Variants in EXD2 observed in about 807,000 individuals in gnomAD.
EXD2 encodes the protein exonuclease 3'-5' domain containing 2.
EXD2 carries 40 observed loss-of-function variants against 62.5 expected under a neutral mutation model. The observed-to-expected ratio is 0.64, with a 90% confidence interval of 0.50 to 0.83. EXD2 has a LOEUF of 0.83. Ranked by LOEUF, EXD2 falls within the 40% of genes least tolerant of loss-of-function variation. The probability of loss-of-function intolerance (pLI) is 0.00; values close to 1 mark genes in which losing one functional copy is unlikely to be tolerated. For missense variants in EXD2, 671 were observed against 761.8 expected (o/e 0.88, Z 1.40); for synonymous variants, 239 against 291.9 (o/e 0.82, Z 1.85).
At position 69,228,966 on chromosome 14, in the gene EXD2, T is replaced by C. The variant is rs941767423; in HGVS notation, c.484T>C (p.Leu162=). The C allele has an allele frequency of 6.2e-7, 1 of 1,614,056 alleles. No individual in the cohort carries two copies. ...GGATATTTTGGCAGATGGCACCATT[T>C]TGAAAGTTGGAGTGGGATGCTCAGA... is the stretch of plus-strand genomic sequence containing the variant. The part of the protein sequence containing the change: ...LLDILADGTI[L]KVGVGCSEDA... The change falls in exon 4 of 10, where the codon TTG becomes CTG. Residue 162 remains leucine (L), a synonymous_variant. Transcript: ENST00000685843.
At chr14:69,211,279 C>A (rs1291092645) in intron 3 of EXD2, among the ~76,000 whole-genome samples, 1 of 151,956 alleles carries the variant, frequency 6.6e-6, no homozygotes, top group Non-Finnish European at 1.5e-5. Context: ...TAGATTCCAT[C>A]TCAAGAAACC....
intron 5 of EXD2, among the ~76,000 whole-genome samples, chr14:69,231,393 T>C (rs1359531019): frequency 6.6e-6 from 1 of 152,184 alleles, no homozygotes; most frequent in Non-Finnish European, 1.5e-5. Flanking sequence ...GGTTTAGTAC[T>C]CTTGCAGCTC....
chr14:69,236,025 TTC>T lies in EXD2; in HGVS notation c.1050-17_1050-16del. 3 of 1,593,608 alleles carry T rather than the reference TTC, an allele frequency of 1.9e-6. No homozygotes were observed. Among genetic ancestry groups the T allele is most frequent in the South Asian group, 2.2e-5 (2 of 90,664 alleles). On this transcript the variant is annotated intron_variant, in intron 6 of 9. Coordinates refer to ENST00000685843, the MANE Select transcript of EXD2 (RefSeq NM_001193360.2). ...CCACAGTTAGCTTCCGGTTTGAGAT[TTC>T]TCTTTCCTTTCCCTGCAGAAAATCA...
Position 69,199,075 on chromosome 14 carries a change from C to T in EXD2, c.-131-4842C>T, listed in dbSNP as rs559498586. ...CCTGGCCAACATGGTGAAACCCCGT[C>T]TCTACTAAAAATTTAAAAAATAGTC... On this transcript the variant is annotated intron_variant, in intron 1 of 9. Coordinates refer to ENST00000685843, the MANE Select transcript of EXD2 (RefSeq NM_001193360.2). 5.3e-5 allele frequency among the ~76,000 whole-genome samples: 8 copies of T among 152,330 alleles called. No individual in the cohort carries two copies. The East Asian group carries it at 1.3e-3, about 26-fold the overall frequency.
At chr14:69,203,282 C>T (rs1383815370) in intron 1 of EXD2, among the ~76,000 whole-genome samples, 1 of 151,402 alleles carries the variant, frequency 6.6e-6, no homozygotes, top group Admixed American at 6.6e-5. Flanking sequence ...CACCATGTTG[C>T]CCTAGGTAGT....
In EXD2 at chr14:69,234,962, C is replaced by T; in HGVS notation, c.980C>T (p.Pro327Leu). 6.2e-7 allele frequency: 1 copy of T among 1,613,466 alleles called. No homozygotes were observed. Among genetic ancestry groups the T allele is most frequent in the Non-Finnish European group, 8.5e-7 (1 of 1,179,754 alleles). ...AAGTCTAAGATGGATGGGATGGTGC[C>T]AGGCAACCACCAAGGGAGAGACCCC... is the stretch of plus-strand genomic sequence containing the variant. ...NKKSKMDGMV[P>L]GNHQGRDPRK... is the part of the protein sequence containing the mutation. Residue 327 changes from proline (P) to leucine (L), a missense_variant, in exon 6 of 10, where the codon CCA becomes CTA. By Grantham distance (98) the Pro-to-Leu change is moderately conservative. Transcript: ENST00000685843.
At chr14:69,202,062 G>A (rs899053610) in intron 1 of EXD2, among the ~76,000 whole-genome samples, 4 of 152,084 alleles carry the variant, frequency 2.6e-5, no homozygotes, top group African/African-American at 9.7e-5. Context: ...AGGTTGATGT[G>A]GGCAGATCGC....
chr14:69,236,894 T>C (rs2043813942), intron 8 of EXD2, among the ~76,000 whole-genome samples: 2 of 152,218 alleles, frequency 1.3e-5, no homozygotes, highest in South Asian at 4.1e-4. Context: ...AGCCATGGTT[T>C]TATTCATGGA....
At chr14:69,230,845 C>T (rs543288200) in intron 5 of EXD2, among the ~76,000 whole-genome samples, 3 of 152,258 alleles carry the variant, frequency 2.0e-5, no homozygotes, top group East Asian at 1.9e-4. Flanking sequence ...TGCAGTGGTA[C>T]GGTCTTGGCT....
At chr14:69,225,069 T>G (rs1223857409) in intron 3 of EXD2, among the ~76,000 whole-genome samples, 1 of 152,250 alleles carries the variant, frequency 6.6e-6, no homozygotes, top group African/African-American at 2.4e-5. Context: ...TTTTGTCTCC[T>G]CCTACTCTCT....
chr14:69,192,067 T>C (rs1462417756), intron 1 of EXD2: 45 of 152,332 alleles, frequency 3.0e-4, no homozygotes, highest in Non-Finnish European at 1.5e-5. Context: ...CTACCATCCC[T>C]GTCCTCCCAG....
Position 69,209,415 on chromosome 14 carries a change from GT to G in EXD2, c.-47-5del. 1 of 1,385,932 alleles carries G rather than the reference GT, an allele frequency of 7.2e-7. No homozygotes were observed. The highest frequency in any genetic ancestry group is 2.5e-5 in the East Asian group (1 of 39,398). The allele number at this position is 1,385,932 out of a possible 1,614,324, so 85.9% of individuals were successfully genotyped here. A position where few individuals can be genotyped will look rare whatever the true frequency, so the allele number is the denominator to read the frequency against. ...GTATATAAATATATTTTTGCCATTT[GT>G]TTTGCAGATTGTGGGATTAGTGATA... is the stretch of plus-strand genomic sequence containing the variant. On this transcript the variant is annotated splice_polypyrimidine_tract_variant and splice_region_variant and intron_variant, in intron 2 of 9. Coordinates refer to ENST00000685843, the MANE Select transcript of EXD2 (RefSeq NM_001193360.2).
intron 3 of EXD2, among the ~76,000 whole-genome samples, chr14:69,224,799 T>G (rs1212526469): frequency 4.6e-5 from 7 of 151,848 alleles, no homozygotes; most frequent in Non-Finnish European, 8.8e-5. Flanking sequence ...GCCAACATGG[T>G]GAAACCCTGT....
chr14:69,230,979 T>G (rs1012973695), intron 5 of EXD2, among the ~76,000 whole-genome samples: 1 of 152,164 alleles, frequency 6.6e-6, no homozygotes, highest in South Asian at 2.1e-4. Flanking sequence ...GAGATGGGGT[T>G]TCACCACGTT....
intron 1 of EXD2, among the ~76,000 whole-genome samples, chr14:69,198,263 T>C (rs985813622): frequency 6.6e-6 from 1 of 152,246 alleles, no homozygotes; most frequent in African/African-American, 2.4e-5. Flanking sequence ...TAAAAGTTGG[T>C]TGATGACTTT....
chr14:69,201,210 A>G (rs189148414), intron 1 of EXD2, among the ~76,000 whole-genome samples: 2 of 151,616 alleles, frequency 1.3e-5, no homozygotes, highest in East Asian at 3.9e-4. Flanking sequence ...TGTTTTTGTG[A>G]TGGAGTCTTA....
At chr14:69,235,278 A>T (rs1329712303) in intron 6 of EXD2, among the ~76,000 whole-genome samples, 1 of 152,168 alleles carries the variant, frequency 6.6e-6, no homozygotes, top group Non-Finnish European at 1.5e-5. Flanking sequence ...AGGAAAGCTT[A>T]GCTTAGTTCT....
intron 3 of EXD2, among the ~76,000 whole-genome samples, chr14:69,220,372 GC>G (rs1454215348): frequency 7.4e-6 from 1 of 135,072 alleles, no homozygotes; most frequent in African/African-American, 2.7e-5. Flanking sequence ...CCGGGTTCAC[GC>G]CATACTCCTG....
intron 3 of EXD2, among the ~76,000 whole-genome samples, chr14:69,216,571 G>A (rs1166938668): frequency 6.6e-6 from 1 of 152,036 alleles, no homozygotes; most frequent in Non-Finnish European, 1.5e-5. Context: ...GGGACAATAG[G>A]TGCCTGCTAC....
Sources: gnomAD v4.1 joint callset for allele counts (sites outside exome capture counted in the v4.1 genomes callset) on GRCh38, gnomAD v4.1.1 for gene constraint, MANE v1.5 for transcripts, NCBI Gene and HGNC (gene_info 2026-07-23, HGNC 2026-07-21) for gene names.